C2CD5: variants seen among roughly 807,000 people sequenced by gnomAD.
C2CD5 encodes C2 domain-containing protein 5.
Under a neutral mutation model 130.3 loss-of-function variants are expected in C2CD5, and 109 were observed. The ratio of observed to expected loss-of-function variants is 0.84; its 90% CI spans 0.72 to 0.98. The LOEUF (loss-of-function observed/expected upper bound fraction) is 0.98. C2CD5 is among the 50% of genes least tolerant of loss of function. C2CD5 has a pLI of 0.00. For missense variants in C2CD5, 996 were observed against 1,261.8 expected, an observed-to-expected ratio of 0.79 and a Z score of 3.19; for synonymous variants, 454 against 429.2, an observed-to-expected ratio of 1.06 and a Z score of -0.71.
At chr12:22,491,275 T>C (rs1320452039) in intron 11 of C2CD5, among the ~76,000 whole-genome samples, 17 of 152,222 alleles carry the variant, frequency 1.1e-4, no homozygotes. Context: ...CTGTGACCTA[T>C]CATCAGCCAT....
chr12:22,470,842 C>A lies in C2CD5; in HGVS notation c.2428G>T (p.Glu810Ter). The A allele has an allele frequency of 6.2e-7, 1 of 1,610,282 alleles. No homozygotes were observed. The highest frequency in any genetic ancestry group is 1.1e-5 in the South Asian group (1 of 90,934). The stretch of plus-strand genomic sequence containing the variant: ...GATTTACCTCTTTGCAATGACTTTT[C>A]AACAGGGGTTTTTGTGGTTTGTAAA... ...QALQTTKTPV[E>*]KSLQRASTDN... The change falls in exon 21 of 27, where the codon GAA becomes TAA. Residue 810 changes from glutamate to a stop codon, truncating the protein, a stop_gained. Transcript: ENST00000446597. LOFTEE classifies it high-confidence loss of function.
intron 7 of C2CD5, among the ~76,000 whole-genome samples, chr12:22,518,537 A>G (rs1281404706): frequency 6.6e-6 from 1 of 152,242 alleles, no homozygotes; most frequent in Non-Finnish European, 1.5e-5. Flanking sequence ...ACACACACAG[A>G]TATCCTCAAA....
At chr12:22,508,079 A>G (rs1472969704) in intron 9 of C2CD5, among the ~76,000 whole-genome samples, 1 of 152,226 alleles carries the variant, frequency 6.6e-6, no homozygotes, top group Non-Finnish European at 1.5e-5. Flanking sequence ...TGCTTCAAGC[A>G]TGGAGAATAC....
rs568356910 is a variant in C2CD5, at chr12:22,540,719, C to T, written c.90+3342G>A. ...ACTAAAAATACAAAAATTAGCTGGG[C>T]GCGGAGGCAAGCACCTGTAATCCCA... On this transcript the variant is annotated intron_variant, in intron 2 of 26. Coordinates refer to ENST00000446597, the MANE Select transcript of C2CD5 (RefSeq NM_001286176.2). Among the ~76,000 whole-genome samples, 833 of 152,136 alleles carry T rather than the reference C, an allele frequency of 5.5e-3. 7 individuals are homozygous for T. Among genetic ancestry groups the T allele is most frequent in the African/African-American group, 0.019 (785 of 41,498 alleles).
rs1229520497 is a variant in C2CD5, at chr12:22,459,528, C to T, written c.2548G>A (p.Ala850Thr). 3 of 1,531,074 alleles carry T rather than the reference C, an allele frequency of 2.0e-6. No individual in the cohort carries two copies. The highest frequency in any genetic ancestry group is 1.2e-5 in the South Asian group (1 of 83,978). 94.8% of individuals were successfully genotyped at this position (1,531,074 alleles called of 1,614,324 possible). ...GCTGGTATACCTGAGTTAGAACTTG[C>T]ACTCTCCAGGTGTTCTAATAAGACA... ...FPPAKEHLES[A>T]SSNSGIPAAQ... is the part of the protein sequence containing the mutation. The change falls in exon 23 of 27, where the codon GCA becomes ACA. Residue 850 changes from alanine (A) to threonine (T), a missense_variant. Ala to Thr is a moderately conservative substitution (Grantham distance 58). This residue lies in a region of C2CD5 where 590 missense variants were observed against 631.4 expected (regional missense o/e 0.93). Coordinates refer to ENST00000446597, the MANE Select transcript of C2CD5 (RefSeq NM_001286176.2).
At chr12:22,513,974 TA>T (rs1949458781) in intron 8 of C2CD5, among the ~76,000 whole-genome samples, 1 of 152,138 alleles carries the variant, frequency 6.6e-6, no homozygotes. Flanking sequence ...AAACTTTTTT[TA>T]AGTAAACAAA....
intron 11 of C2CD5, among the ~76,000 whole-genome samples, chr12:22,492,837 C>G (rs1946521433): frequency 6.6e-6 from 1 of 152,064 alleles, no homozygotes; most frequent in African/African-American, 2.4e-5. Context: ...AGACACATTG[C>G]AATTCGTTTA....
Position 22,448,932 on chromosome 12 carries a change from T to C in C2CD5, c.*828A>G, listed in dbSNP as rs1019599409. Reference sequence around the variant, plus strand: ...TAAAATCCTGTTTATTTGGTAGGAGTGCAATATTATCTTATTAGGAAATAA... The same window carrying C: ...TAAAATCCTGTTTATTTGGTAGGAGCGCAATATTATCTTATTAGGAAATAA... On this transcript the variant is annotated 3_prime_UTR_variant, in exon 27 of 27. Transcript: ENST00000446597. 1.3e-5 allele frequency: 2 copies of C among 152,478 alleles called. No individual in the cohort carries two copies. Among genetic ancestry groups the C allele is most frequent in the Non-Finnish European group, 2.9e-5 (2 of 68,012 alleles). 9.4% of individuals were successfully genotyped at this position (152,478 alleles called of 1,614,324 possible). A position where few individuals can be genotyped will look rare whatever the true frequency, so the allele number is the denominator to read the frequency against.
At chr12:22,467,778 CA>C (rs1313744645) in intron 22 of C2CD5, among the ~76,000 whole-genome samples, 1 of 152,164 alleles carries the variant, frequency 6.6e-6, no homozygotes, top group African/African-American at 2.4e-5. Flanking sequence ...TTACTCTACT[CA>C]AATTCTTATT....
intron 9 of C2CD5, 28 bp from the exon 10 acceptor site, chr12:22,506,847 A>C (rs1246556959): frequency 7.5e-7 from 1 of 1,334,072 alleles, no homozygotes; most frequent in African/African-American, 1.4e-5. Context: ...GGAAAAATAC[A>C]ACTTATCGTG....
At chr12:22,488,437 T>C (rs368217139) in intron 12 of C2CD5, among the ~76,000 whole-genome samples, 12 of 148,606 alleles carry the variant, frequency 8.1e-5, no homozygotes, top group African/African-American at 2.9e-4. Flanking sequence ...GTTTTTTTCT[T>C]TTTTTTTTTA....
chr12:22,487,715 G>A (rs942402445), intron 12 of C2CD5, among the ~76,000 whole-genome samples: 1 of 151,944 alleles, frequency 6.6e-6, no homozygotes, highest in East Asian at 1.9e-4. Context: ...TATACCCAAA[G>A]GATTATAAAT....
At position 22,544,506 on chromosome 12, in the gene C2CD5, A is replaced by T; in HGVS notation, c.-216T>A. 5.4e-6 allele frequency: 1 copy of T among 186,384 alleles called. No individual in the cohort carries two copies. The highest frequency in any genetic ancestry group is 1.1e-5 in the Non-Finnish European group (1 of 90,588). 11.5% of individuals were successfully genotyped at this position (186,384 alleles called of 1,614,324 possible). On this transcript the variant is annotated 5_prime_UTR_variant, in exon 1 of 27. Coordinates refer to ENST00000446597, the MANE Select transcript of C2CD5 (RefSeq NM_001286176.2). ...TTGTCTCTCCTCCCCCGCTCTCAAAAATGGCGGCTCTCGGGGCGCGGAAGA... is the reference window on the plus strand; with the variant it reads ...TTGTCTCTCCTCCCCCGCTCTCAAATATGGCGGCTCTCGGGGCGCGGAAGA...
chr12:22,488,776 A>T (rs1437961405), intron 12 of C2CD5, among the ~76,000 whole-genome samples: 1 of 152,132 alleles, frequency 6.6e-6, no homozygotes, highest in Admixed American at 6.6e-5. Context: ...TGACAAAAGA[A>T]ACTGACCAAG....
At chr12:22,497,600 C>T in intron 10 of C2CD5, 2 of 972,036 alleles carry the variant, frequency 2.1e-6, no homozygotes, top group Non-Finnish European at 2.4e-6. Flanking sequence ...ATTCCAACTG[C>T]TAACCTCTTG....
At chr12:22,498,138 C>A (rs915915782) in intron 10 of C2CD5, among the ~76,000 whole-genome samples, 4 of 152,030 alleles carry the variant, frequency 2.6e-5, no homozygotes, top group African/African-American at 9.7e-5. Context: ...AAGTATCTCT[C>A]AGGGAAAATG....
Position 22,459,503 on chromosome 12 carries a change from G to A in C2CD5, c.2573C>T (p.Ala858Val). 6.5e-7 allele frequency: 1 copy of A among 1,531,374 alleles called. No homozygotes were observed. The highest frequency in any genetic ancestry group is 1.2e-5 in the South Asian group (1 of 83,966). 94.9% of individuals were successfully genotyped at this position (1,531,374 alleles called of 1,614,324 possible). Reference sequence around the variant, plus strand: ...TTAGACAAACTCACCTCTCTGTGCAGCTGGTATACCTGAGTTAGAACTTGC... The same window carrying A: ...TTAGACAAACTCACCTCTCTGTGCAACTGGTATACCTGAGTTAGAACTTGC... ...ESASSNSGIP[A>V]AQRATSVDYS... is the part of the protein sequence containing the mutation. Residue 858 changes from alanine to valine, a missense_variant, in exon 23 of 27, where the codon GCT (alanine) becomes GTT (valine). Transcript: ENST00000446597.
intron 15 of C2CD5, among the ~76,000 whole-genome samples, chr12:22,475,419 A>G (rs1384457059): frequency 6.6e-6 from 1 of 152,194 alleles, no homozygotes; most frequent in Non-Finnish European, 1.5e-5. Context: ...ATTAAGCTAA[A>G]TAAACATTGG....
intron 26 of C2CD5, among the ~76,000 whole-genome samples, chr12:22,452,382 A>C (rs1938844055): frequency 6.6e-6 from 1 of 151,790 alleles, no homozygotes; most frequent in Admixed American, 6.6e-5. Context: ...CGCCTTTCTC[A>C]CTGTTCCTTT....
Sources: allele counts gnomAD v4.1 joint callset (sites outside exome capture counted in the v4.1 genomes callset), GRCh38; gene constraint gnomAD v4.1.1; regional missense constraint gnomAD v4.1.1; transcripts MANE v1.5; gene names NCBI Gene and HGNC (gene_info 2026-07-23, HGNC 2026-07-21).